The following NME4 variants were observed in gnomAD, a reference collection of about 807,000 sequenced individuals.
The protein encoded by NME4 is NME/NM23 nucleoside diphosphate kinase 4.
In NME4, 21 loss-of-function variants were observed where a neutral mutation model predicts 16.4. That is an observed-to-expected ratio of 1.28 (90% CI 0.91 to 1.84). The LOEUF (loss-of-function observed/expected upper bound fraction) is 1.84. Ranked by LOEUF, NME4 falls within the 40% of genes most tolerant of loss-of-function variation. The pLI, the probability that NME4 is intolerant of heterozygous loss-of-function variation, is 0.00. For synonymous variants in NME4, 132 were observed against 107.5 expected, an observed-to-expected ratio of 1.23 and a Z score of -1.41; for missense variants, 316 against 261.3, an observed-to-expected ratio of 1.21 and a Z score of -1.44.
chr16:400,111 A>G, intron 4 of NME4, 108 bp from the exon 5 acceptor site: 1 of 1,490,802 alleles, frequency 6.7e-7, no homozygotes, highest in Middle Eastern at 1.7e-4. Flanking sequence ...GTCTGCAGTC[A>G]CAGGCTTGCT....
chr16:397,943 G>A, intron 1 of NME4: 1 of 1,549,242 alleles, frequency 6.5e-7, no homozygotes, highest in Non-Finnish European at 8.7e-7. Flanking sequence ...CCGCAGCAGA[G>A]CCCCAGGCTA....
intron 1 of NME4, chr16:397,885 C>T: frequency 1.9e-6 from 3 of 1,555,000 alleles, no homozygotes; most frequent in Non-Finnish European, 2.6e-6. Flanking sequence ...CCAGGGCTCC[C>T]TCCATCGGCT....
chr16:398,577 C>A, intron 1 of NME4: 1 of 434,144 alleles, frequency 2.3e-6, no homozygotes, highest in Non-Finnish European at 4.0e-6. Context: ...CTGAGCTGGG[C>A]TGTGCCTCTG....
At chr16:399,563 C>A in intron 3 of NME4, 64 bp from the exon 4 acceptor site, 7 of 1,595,102 alleles carry the variant, frequency 4.4e-6, no homozygotes, top group Non-Finnish European at 5.2e-6. Flanking sequence ...GGGAGGGGCC[C>A]TGGATTGAGC....
chr16:399,774 G>C, intron 4 of NME4, 35 bp downstream of exon 4: 2 of 1,542,156 alleles, frequency 1.3e-6, no homozygotes, highest in Non-Finnish European at 1.8e-6. Flanking sequence ...CTGCTGCTGG[G>C]GGCAAGGAGG....
chr16:400,042 G>GT, intron 4 of NME4, 177 bp from the exon 5 acceptor site: 8 of 987,742 alleles, frequency 8.1e-6, no homozygotes, highest in Non-Finnish European at 1.3e-5. Context: ...CCACGAGGCT[G>GT]TAAGAGGCCG....
intron 4 of NME4, 118 bp from the exon 5 acceptor site, chr16:400,101 G>C: frequency 7.0e-7 from 1 of 1,438,376 alleles, no homozygotes; most frequent in Non-Finnish European, 9.8e-7. Context: ...CTCCTTCCCT[G>C]TCTGCAGTCA....
rs1313253931 is a variant in NME4 at position 399,759 on chromosome 16, C to G, written c.440+20C>G. 3 of 1,591,682 alleles carry G rather than the reference C, an allele frequency of 1.9e-6. No homozygotes were observed. The highest frequency in any genetic ancestry group is 2.7e-5 in the African/African-American group (2 of 74,412). The stretch of plus-strand genomic sequence containing the variant: ...CAGCAGGTACGGGGGTCCTGATACA[C>G]CAGGCTGCTGCTGGGGGCAAGGAGG... On this transcript the variant is annotated intron_variant, in intron 4 of 4. Transcript: ENST00000219479.
In NME4 at chr16:399,359, C is replaced by T. The variant is rs2054610622; in HGVS notation, c.226-20C>T. The T allele has an allele frequency of 1.2e-6, 2 of 1,610,880 alleles. No homozygotes were observed. The highest frequency in any genetic ancestry group is 2.2e-5 in the South Asian group (2 of 91,046). On this transcript the variant is annotated intron_variant, in intron 2 of 4. Transcript: ENST00000219479. ...CCACGTTTACTGTCTGCGGCTCCTC[C>T]TTACCTCAATGCCACCCAGGCACCA...
At position 399,681 on chromosome 16, in the gene NME4, G is replaced by C. The variant is rs145944648; in HGVS notation, c.382G>C (p.Asp128His). The C allele has an allele frequency of 6.2e-7, 1 of 1,613,106 alleles. No homozygotes were observed. Among genetic ancestry groups the C allele is most frequent in the Admixed American group, 1.7e-5 (1 of 60,018 alleles). ...RASRAMIGHT[D>H]SAEAAPGTIR... ...CTCGAGGGCCATGATTGGACACACCGACTCGGCTGAGGCTGCCCCAGGAAC... is the reference window on the plus strand; with the variant it reads ...CTCGAGGGCCATGATTGGACACACCCACTCGGCTGAGGCTGCCCCAGGAAC... Residue 128 changes from aspartate to histidine, a missense_variant, in exon 4 of 5, where the codon GAC (aspartate) becomes CAC (histidine). Coordinates refer to ENST00000219479, the MANE Select transcript of NME4 (RefSeq NM_005009.3).
At position 399,355 on chromosome 16, in the gene NME4, C is replaced by T. The variant is rs758553304; in HGVS notation, c.226-24C>T. 9.3e-6 allele frequency: 15 copies of T among 1,608,698 alleles called. No homozygotes were observed. In the East Asian group the frequency reaches 3.3e-4, roughly 36 times the overall value. On this transcript the variant is annotated intron_variant, in intron 2 of 4. Coordinates refer to ENST00000219479, the MANE Select transcript of NME4 (RefSeq NM_005009.3). The stretch of plus-strand genomic sequence containing the variant: ...GTGCCCACGTTTACTGTCTGCGGCT[C>T]CTCCTTACCTCAATGCCACCCAGGC...
In NME4 at chr16:400,653, G is replaced by A. The variant is rs2054643398; in HGVS notation, c.*311G>A. On this transcript the variant is annotated 3_prime_UTR_variant, in exon 5 of 5. Coordinates refer to ENST00000219479, the MANE Select transcript of NME4 (RefSeq NM_005009.3). The stretch of plus-strand genomic sequence containing the variant: ...TAAAATTCACTGTGCCCAGCACATG[G>A]GTGGTACACTAATTATGACTTCCCC... 1 of 327,648 alleles carries A rather than the reference G, an allele frequency of 3.1e-6. No individual in the cohort carries two copies. Among genetic ancestry groups the A allele is most frequent in the South Asian group, 8.9e-5 (1 of 11,228 alleles). The allele number at this position is 327,648 out of a possible 1,614,324, so 20.3% of individuals were successfully genotyped here.
In NME4 at chr16:399,126, A is replaced by T. The variant is rs768855168; in HGVS notation, c.225+3A>T. ...TGGTGGGGATGAAGATGCTGCAGGT[A>T]GTGGGACTCTGGGCTTGTGGGTGTC... On this transcript the variant is annotated splice_donor_region_variant and intron_variant, in intron 2 of 4. Transcript: ENST00000219479. 1 of 1,594,964 alleles carries T rather than the reference A, an allele frequency of 6.3e-7. No homozygotes were observed. Among genetic ancestry groups the T allele is most frequent in the East Asian group, 2.2e-5 (1 of 44,760 alleles).
chr16:400,611 C>G lies in NME4; in HGVS notation c.*269C>G, dbSNP rs1344606555. The G allele has an allele frequency of 7.1e-6, 3 of 421,208 alleles. No homozygotes were observed. Among genetic ancestry groups the G allele is most frequent in the Non-Finnish European group, 1.3e-5 (3 of 236,886 alleles). The allele number at this position is 421,208 out of a possible 1,614,324, so 26.1% of individuals were successfully genotyped here. The stretch of plus-strand genomic sequence containing the variant: ...GGTCTTCACATTATCATAACCTCTC[C>G]TCTAAAGGGGAGGCATTAAAATTCA... On this transcript the variant is annotated 3_prime_UTR_variant, in exon 5 of 5. Coordinates refer to ENST00000219479, the MANE Select transcript of NME4 (RefSeq NM_005009.3).
At position 398,994 on chromosome 16, in the gene NME4, G is replaced by T; in HGVS notation, c.96G>T (p.Gly32=). The stretch of plus-strand genomic sequence containing the variant: ...CTGACCTCTTGCCTTTTGAAGGAGG[G>T]CCCTCCTGGACCCGGGAGCGGACCC... The part of the protein sequence containing the change: ...PSLLVRHGSG[G]PSWTRERTLV... Residue 32 remains glycine (G), a synonymous_variant, in exon 2 of 5, where the codon GGG becomes GGT. Transcript: ENST00000219479. 6.2e-7 allele frequency: 1 copy of T among 1,610,130 alleles called. No individual in the cohort carries two copies.
At position 400,615 on chromosome 16, in the gene NME4, A is replaced by G; in HGVS notation, c.*273A>G. Reference sequence around the variant, plus strand: ...TTCACATTATCATAACCTCTCCTCTAAAGGGGAGGCATTAAAATTCACTGT... The same window carrying G: ...TTCACATTATCATAACCTCTCCTCTGAAGGGGAGGCATTAAAATTCACTGT... On this transcript the variant is annotated 3_prime_UTR_variant, in exon 5 of 5. Transcript: ENST00000219479. 2.4e-6 allele frequency: 1 copy of G among 411,098 alleles called. No individual in the cohort carries two copies. The highest frequency in any genetic ancestry group is 4.3e-6 in the Non-Finnish European group (1 of 230,602). 25.5% of individuals were successfully genotyped at this position (411,098 alleles called of 1,614,324 possible).
In NME4 at chr16:399,083, A is replaced by G. The variant is rs1178438860; in HGVS notation, c.185A>G (p.Glu62Gly). The G allele has an allele frequency of 6.2e-7, 1 of 1,601,288 alleles. No homozygotes were observed. Among genetic ancestry groups the G allele is most frequent in the Non-Finnish European group, 8.5e-7 (1 of 1,177,784 alleles). Residue 62 changes from glutamate to glycine, a missense_variant, in exon 2 of 5, where the codon GAG becomes GGG. By Grantham distance (98) the Glu-to-Gly change is moderately conservative (BLOSUM62 -2). Transcript: ENST00000219479. The stretch of plus-strand genomic sequence containing the variant: ...GTTGGGGACGTGATCCAGCGCTTTG[A>G]GAGGCGGGGCTTCACGCTGGTGGGG... ...RLVGDVIQRF[E>G]RRGFTLVGMK...
At position 400,417 on chromosome 16, in the gene NME4, T is replaced by C; in HGVS notation, c.*75T>C. 6.5e-7 allele frequency: 1 copy of C among 1,539,794 alleles called. No individual in the cohort carries two copies. The highest frequency in any genetic ancestry group is 2.3e-5 in the East Asian group (1 of 44,086). ...CCGTCAGCAAGAACCCAAGCCCACA[T>C]CCAAACCTGCCTGTCCCAAACCACT... On this transcript the variant is annotated 3_prime_UTR_variant, in exon 5 of 5. Transcript: ENST00000219479.
chr16:399,874 G>C (rs2054621918), intron 4 of NME4, 135 bp downstream of exon 4: 1 of 715,442 alleles, frequency 1.4e-6, no homozygotes. Flanking sequence ...GCTCACACTG[G>C]TGAGAGCCGT....
Sources: gnomAD v4.1 joint callset for allele counts on GRCh38, gnomAD v4.1.1 for gene constraint, MANE v1.5 for transcripts, NCBI Gene and HGNC (gene_info 2026-07-23, HGNC 2026-07-21) for gene names.